PPP1R1C: variants seen among roughly 807,000 people sequenced by gnomAD.
The protein encoded by PPP1R1C is protein phosphatase 1 regulatory inhibitor subunit 1C, also known as protein phosphatase 1 regulatory subunit 1C.
A neutral mutation model predicts 17.4 loss-of-function variants in PPP1R1C; 15 were observed. The ratio of observed to expected loss-of-function variants is 0.86; its 90% CI spans 0.58 to 1.33. The LOEUF (loss-of-function observed/expected upper bound fraction) is 1.33, where lower values mean the gene tolerates loss of function less well. Among genes scored for constraint, PPP1R1C ranks in the 40% most tolerant of loss-of-function variants. PPP1R1C has a pLI of 0.00. For missense variants in PPP1R1C, 143 were observed against 130.0 expected (o/e 1.10, Z -0.48); for synonymous variants, 35 against 43.1 (o/e 0.81, Z 0.73).
chr2:182,012,724 T>A (rs148783478), intron 2 of PPP1R1C, among the ~76,000 whole-genome samples: 49 of 152,202 alleles, frequency 3.2e-4, no homozygotes, highest in African/African-American at 1.1e-3. Context: ...TTTTCTCTGG[T>A]AGTATGCATT....
chr2:182,077,604 C>T (rs1162539972), intron 4 of PPP1R1C, among the ~76,000 whole-genome samples: 1 of 152,146 alleles, frequency 6.6e-6, no homozygotes, highest in African/African-American at 2.4e-5. Context: ...TAGACCAGAG[C>T]AGATCCCATG....
chr2:182,014,406 C>A (rs1044770269), intron 2 of PPP1R1C, among the ~76,000 whole-genome samples: 1 of 152,194 alleles, frequency 6.6e-6, no homozygotes, highest in Non-Finnish European at 1.5e-5. Context: ...CAGAATCTCT[C>A]TCTCTCTGTG....
At position 182,117,366 on chromosome 2, in the gene PPP1R1C, T is replaced by C. The variant is rs1559099967; in HGVS notation, c.*71T>C. 9.0e-7 allele frequency: 1 copy of C among 1,107,760 alleles called. No homozygotes were observed. Among genetic ancestry groups the C allele is most frequent in the Non-Finnish European group, 1.3e-6 (1 of 760,076 alleles). The allele number at this position is 1,107,760 out of a possible 1,614,324, so 68.6% of individuals were successfully genotyped here. On this transcript the variant is annotated 3_prime_UTR_variant, in exon 5 of 5. Transcript: ENST00000682840. ...TAACTTTTCTGAGTATACCATGGAA[T>C]TCCACTGCTTGACTTCCAGAAGCAT...
intron 1 of PPP1R1C, among the ~76,000 whole-genome samples, chr2:181,959,571 A>G (rs926097216): frequency 1.7e-4 from 26 of 152,218 alleles, no homozygotes; most frequent in African/African-American, 6.0e-4. Flanking sequence ...AAATTAAGAC[A>G]TTCCAGCAAA....
intron 2 of PPP1R1C, among the ~76,000 whole-genome samples, chr2:182,053,002 C>G (rs1687571304): frequency 6.6e-6 from 1 of 152,070 alleles, no homozygotes; most frequent in Non-Finnish European, 1.5e-5. Context: ...ACCAAATATT[C>G]AGAATAAGGA....
At chr2:181,971,287 A>C (rs1251547851) in intron 1 of PPP1R1C, among the ~76,000 whole-genome samples, 2 of 152,082 alleles carry the variant, frequency 1.3e-5, no homozygotes, top group East Asian at 3.9e-4. Context: ...AGCACTTGGC[A>C]AATCCTGCCA....
intron 2 of PPP1R1C, among the ~76,000 whole-genome samples, chr2:182,026,804 A>G (rs1559061863): frequency 6.6e-6 from 1 of 150,854 alleles, no homozygotes; most frequent in African/African-American, 2.4e-5. Context: ...CTTGGGCAGT[A>G]TGGCCATTTT....
At chr2:181,991,284 A>G (rs538992351) in intron 2 of PPP1R1C, among the ~76,000 whole-genome samples, 11 of 152,318 alleles carry the variant, frequency 7.2e-5, no homozygotes, top group African/African-American at 2.6e-4. Context: ...GTCTAAACAC[A>G]TAGATGAGAT....
intron 2 of PPP1R1C, among the ~76,000 whole-genome samples, chr2:182,046,355 T>C (rs572873616): frequency 6.6e-6 from 1 of 152,268 alleles, no homozygotes; most frequent in South Asian, 2.1e-4. Context: ...TTCCACTCTC[T>C]GTGAAACCCA....
At chr2:182,119,079 G>A (rs532312961), downstream of PPP1R1C, among the ~76,000 whole-genome samples, 14 of 150,678 alleles carry the variant, frequency 9.3e-5, no homozygotes, top group East Asian at 4.0e-4. Context: ...AGCAGGCCCC[G>A]GTGTGTGATG....
At chr2:182,044,529 G>A (rs746078578) in intron 2 of PPP1R1C, among the ~76,000 whole-genome samples, 1 of 151,990 alleles carries the variant, frequency 6.6e-6, no homozygotes, top group Non-Finnish European at 1.5e-5. Flanking sequence ...CACCTTTGCT[G>A]GCCATCTCAG....
chr2:182,045,856 T>C (rs181206027), intron 2 of PPP1R1C, among the ~76,000 whole-genome samples: 87 of 152,282 alleles, frequency 5.7e-4, no homozygotes, highest in African/African-American at 1.9e-3. Flanking sequence ...GGCAATTTGA[T>C]CAAAGTAGAA....
At chr2:182,128,632 A>G (rs555518990) in intron 5 of PPP1R1C, among the ~76,000 whole-genome samples, 20 of 137,210 alleles carry the variant, frequency 1.5e-4, no homozygotes, top group African/African-American at 5.1e-4. Flanking sequence ...ACACATATGC[A>G]TATGTATGTA....
At chr2:181,998,330 A>T (rs1253804548) in intron 2 of PPP1R1C, among the ~76,000 whole-genome samples, 1 of 152,196 alleles carries the variant, frequency 6.6e-6, no homozygotes, top group East Asian at 1.9e-4. Context: ...ACATAATTAT[A>T]TGATATGTGA....
chr2:182,051,771 G>GT (rs1366758583), intron 2 of PPP1R1C, among the ~76,000 whole-genome samples: 1 of 152,088 alleles, frequency 6.6e-6, no homozygotes, highest in Non-Finnish European at 1.5e-5. Flanking sequence ...TAAACCATTT[G>GT]TTTTTTGATA....
At chr2:182,015,686 G>T (rs964382560) in intron 2 of PPP1R1C, among the ~76,000 whole-genome samples, 4 of 152,110 alleles carry the variant, frequency 2.6e-5, no homozygotes, top group African/African-American at 9.7e-5. Flanking sequence ...CTGGCCCAGG[G>T]TATGTCTAGA....
intron 2 of PPP1R1C, among the ~76,000 whole-genome samples, chr2:182,001,143 C>T (rs1389141909): frequency 6.6e-6 from 1 of 152,228 alleles, no homozygotes; most frequent in South Asian, 2.1e-4. Flanking sequence ...AAGCACAAAA[C>T]ACAGGCTGAC....
intron 4 of PPP1R1C, among the ~76,000 whole-genome samples, chr2:182,076,192 C>CTTTTTTTTTTTTTTTT (rs1688296764): frequency 3.9e-5 from 1 of 25,838 alleles, no homozygotes; most frequent in African/African-American, 1.6e-4. Flanking sequence ...TTTTTTTTTT[C>CTTTTTTTTTTTTTTTT]TTTTCTTTTT....
At chr2:182,050,574 G>C (rs1687481931) in intron 2 of PPP1R1C, among the ~76,000 whole-genome samples, 1 of 152,112 alleles carries the variant, frequency 6.6e-6, no homozygotes, top group Non-Finnish European at 1.5e-5. Context: ...TCAGATGCCA[G>C]CCTTACCTGG....
Sources: allele counts gnomAD v4.1 joint callset (sites outside exome capture counted in the v4.1 genomes callset), GRCh38; gene constraint gnomAD v4.1.1; transcripts MANE v1.5; gene names NCBI Gene and HGNC (gene_info 2026-07-23, HGNC 2026-07-21).